SCD5: variants seen among roughly 807,000 people sequenced by gnomAD.
SCD5 encodes stearoyl-CoA desaturase 5.
Under a neutral mutation model 30.4 loss-of-function variants are expected in SCD5, and 20 were observed. The ratio of observed to expected loss-of-function variants is 0.66; its 90% confidence interval spans 0.46 to 0.96. The LOEUF is 0.96. SCD5 is among the 40% of genes least tolerant of loss of function. The pLI, the probability that SCD5 is intolerant of heterozygous loss-of-function variation, is 0.00. For synonymous variants in SCD5, 173 were observed against 176.4 expected, an observed-to-expected ratio of 0.98 and a Z score of 0.16; for missense variants, 381 against 443.3, an observed-to-expected ratio of 0.86 and a Z score of 1.26.
At chr4:82,686,943 G>A (rs1193908506) in intron 2 of SCD5, among the ~76,000 whole-genome samples, 1 of 152,188 alleles carries the variant, frequency 6.6e-6, no homozygotes, top group Non-Finnish European at 1.5e-5. Context: ...GGCCAAGGCA[G>A]GAGGATCACT....
Position 82,679,263 on chromosome 4 carries a change from G to GAAA in SCD5, c.569+1443_569+1444insTTT, listed in dbSNP as rs1560531713. 3.6e-3 allele frequency among the ~76,000 whole-genome samples: 421 copies of GAAA among 118,322 alleles called. 21 individuals are homozygous for GAAA. Among genetic ancestry groups the GAAA allele is most frequent in the African/African-American group, 0.012 (383 of 32,022 alleles). The allele number at this position is 118,322 out of a possible 152,430, so 77.6% of individuals were successfully genotyped here. ...AAGAAAGAAAGAAAGAAAGAAAGAA[G>GAAA]GAAGGAAAGAAAGAAAGAAGGAAGG... is the stretch of plus-strand genomic sequence containing the variant. On this transcript the variant is annotated intron_variant, in intron 3 of 4. Transcript: ENST00000319540.
At chr4:82,779,859 G>A (rs1721831535) in intron 1 of SCD5, among the ~76,000 whole-genome samples, 1 of 152,196 alleles carries the variant, frequency 6.6e-6, no homozygotes, top group South Asian at 2.1e-4. Flanking sequence ...TGCCCACAGT[G>A]AGTCCATCAT....
At chr4:82,718,188 A>G (rs1212678305) in intron 1 of SCD5, among the ~76,000 whole-genome samples, 1 of 151,652 alleles carries the variant, frequency 6.6e-6, no homozygotes, top group African/African-American at 2.4e-5. Flanking sequence ...TGCAGCAATG[A>G]AGCATAAAGA....
At chr4:82,659,265 T>A (rs1277322124) in intron 3 of SCD5, among the ~76,000 whole-genome samples, 1 of 152,192 alleles carries the variant, frequency 6.6e-6, no homozygotes, top group Non-Finnish European at 1.5e-5. Context: ...ATTTTGTTAA[T>A]CTTTTCAAAA....
At chr4:82,634,336 T>A (rs558057802) in intron 4 of SCD5, among the ~76,000 whole-genome samples, 1 of 149,964 alleles carries the variant, frequency 6.7e-6, no homozygotes, top group South Asian at 2.1e-4. Flanking sequence ...GACTCTTTTC[T>A]TACTTCTTAA....
chr4:82,770,113 C>T (rs1299882100), intron 1 of SCD5, among the ~76,000 whole-genome samples: 1 of 152,022 alleles, frequency 6.6e-6, no homozygotes, highest in Non-Finnish European at 1.5e-5. Flanking sequence ...TATACATGTG[C>T]CATGTTGGTG....
intron 1 of SCD5, among the ~76,000 whole-genome samples, chr4:82,710,909 AG>A (rs1380417785): frequency 2.0e-5 from 3 of 151,988 alleles, no homozygotes; most frequent in Admixed American, 1.3e-4. Flanking sequence ...AGAGAGAGAG[AG>A]AGAAGTGCAT....
chr4:82,708,213 T>A (rs1393478979), intron 1 of SCD5, among the ~76,000 whole-genome samples: 1 of 152,182 alleles, frequency 6.6e-6, no homozygotes, highest in African/African-American at 2.4e-5. Context: ...TTGTATACAT[T>A]AAATAGGTGA....
intron 1 of SCD5, among the ~76,000 whole-genome samples, chr4:82,756,713 C>A (rs1721242153): frequency 7.0e-6 from 1 of 142,750 alleles, no homozygotes; most frequent in African/African-American, 2.6e-5. Flanking sequence ...AAAGTCCTCT[C>A]CATTCCATGC....
chr4:82,673,827 C>A (rs1728380515), intron 3 of SCD5, among the ~76,000 whole-genome samples: 1 of 152,126 alleles, frequency 6.6e-6, no homozygotes, highest in East Asian at 1.9e-4. Flanking sequence ...TGAATCATAA[C>A]AGAGAGCCTA....
chr4:82,742,726 G>T (rs1431779750), intron 1 of SCD5, among the ~76,000 whole-genome samples: 1 of 152,182 alleles, frequency 6.6e-6, no homozygotes, highest in Admixed American at 6.5e-5. Flanking sequence ...GGTGGAGGTT[G>T]CCGTGAGCTG....
At position 82,798,760 on chromosome 4, in the gene SCD5, C is replaced by T. The variant is rs1186746219; in HGVS notation, c.-223G>A. On this transcript the variant is annotated 5_prime_UTR_variant, in exon 1 of 5. Transcript: ENST00000319540. ...CGGCCGGCGTCTGTTGCTGGCGTAT[C>T]CCCCATATGGCTGCCCGGGCTGAAC... is the stretch of plus-strand genomic sequence containing the variant. 1.9e-6 allele frequency: 1 copy of T among 533,906 alleles called. No homozygotes were observed. The highest frequency in any genetic ancestry group is 3.3e-6 in the Non-Finnish European group (1 of 305,952). 33.1% of individuals were successfully genotyped at this position (533,906 alleles called of 1,614,324 possible). A position where few individuals can be genotyped will look rare whatever the true frequency, so the allele number is the denominator to read the frequency against.
chr4:82,790,408 A>G (rs867050871), intron 1 of SCD5, among the ~76,000 whole-genome samples: 5 of 151,870 alleles, frequency 3.3e-5, no homozygotes, highest in Non-Finnish European at 5.9e-5. Flanking sequence ...CACTCTACTC[A>G]CCAGCCACGC....
chr4:82,667,062 ATTAAG>A (rs1018214968), intron 3 of SCD5, among the ~76,000 whole-genome samples: 3 of 152,180 alleles, frequency 2.0e-5, no homozygotes, highest in African/African-American at 7.2e-5. Flanking sequence ...GCCATCAACA[ATTAAG>A]TTAATATTTA....
At chr4:82,712,793 T>C (rs1214798861) in intron 1 of SCD5, among the ~76,000 whole-genome samples, 1 of 152,240 alleles carries the variant, frequency 6.6e-6, no homozygotes, top group Non-Finnish European at 1.5e-5. Flanking sequence ...GGCAAGGACC[T>C]CTACGGCTAC....
At position 82,648,244 on chromosome 4, in the gene SCD5, T is replaced by A. The variant is rs549512046; in HGVS notation, c.570-11421A>T. On this transcript the variant is annotated intron_variant, in intron 3 of 4. Transcript: ENST00000319540. ...ATGTCTCACCAGCTCCCACCTTTCA[T>A]CCCAGCCCCTCCACCACATGCAAAC... Among the ~76,000 whole-genome samples, 24 of 152,334 alleles carry A rather than the reference T, an allele frequency of 1.6e-4. 3 individuals are homozygous for A. In the South Asian group the frequency reaches 4.4e-3, roughly 28 times the overall value.
At chr4:82,707,372 A>T (rs1440599840) in intron 1 of SCD5, among the ~76,000 whole-genome samples, 1 of 152,218 alleles carries the variant, frequency 6.6e-6, no homozygotes, top group East Asian at 1.9e-4. Context: ...AGCAGGAATT[A>T]AAAAATATAT....
At chr4:82,742,076 C>A (rs1720886615) in intron 1 of SCD5, among the ~76,000 whole-genome samples, 1 of 136,008 alleles carries the variant, frequency 7.4e-6, no homozygotes, top group South Asian at 2.3e-4. Flanking sequence ...GAGAGTCCGT[C>A]TCAAAAAAAA....
chr4:82,642,499 TGTCC>T (rs1727565330), intron 3 of SCD5, among the ~76,000 whole-genome samples: 1 of 152,212 alleles, frequency 6.6e-6, no homozygotes, highest in Non-Finnish European at 1.5e-5. Flanking sequence ...AACCACATAC[TGTCC>T]CGTGTCTATG....
Sources: allele counts gnomAD v4.1 joint callset (sites outside exome capture counted in the v4.1 genomes callset), GRCh38; gene constraint gnomAD v4.1.1; transcripts MANE v1.5; gene names NCBI Gene and HGNC (gene_info 2026-07-23, HGNC 2026-07-21).